Variants in NLRX1 observed in about 807,000 individuals in gnomAD.
NLRX1 encodes the protein NLR family member X1.
NLRX1 carries 67 observed loss-of-function variants against 74.2 expected under a neutral mutation model. That is an observed-to-expected ratio of 0.90 (90% CI 0.74 to 1.11). The LOEUF (loss-of-function observed/expected upper bound fraction) is 1.11, where lower values mean the gene tolerates loss of function less well. NLRX1 is among the 50% of genes least tolerant of loss of function. The pLI, the probability that NLRX1 is intolerant of heterozygous loss-of-function variation, is 0.00. For missense variants in NLRX1, 1,191 were observed against 1,305.4 expected, an observed-to-expected ratio of 0.91 and a Z score of 1.35; for synonymous variants, 506 against 559.1, an observed-to-expected ratio of 0.91 and a Z score of 1.34.
rs1402303724 is a variant in NLRX1, at chr11:119,183,479, C to T, written c.*40C>T. 2 of 1,568,078 alleles carry T rather than the reference C, an allele frequency of 1.3e-6. No homozygotes were observed. Among genetic ancestry groups the T allele is most frequent in the Admixed American group, 1.8e-5 (1 of 55,532 alleles). ...GCACCTAGCTATGTGACCACTGGCC[C>T]TAAACCTTTTCCCTCTGTGGCCTCC... On this transcript the variant is annotated 3_prime_UTR_variant, in exon 10 of 10. Transcript: ENST00000409109. This position sits in a 1 kb window ranked among gnomAD's most constrained non-coding sequence, Gnocchi z 5.7.
rs1383258626 is a variant in NLRX1 at position 119,174,709 on chromosome 11, T to C, written c.1106T>C (p.Phe369Ser). 6.2e-7 allele frequency: 1 copy of C among 1,613,962 alleles called. No individual in the cohort carries two copies. Among genetic ancestry groups the C allele is most frequent in the Non-Finnish European group, 8.5e-7 (1 of 1,180,036 alleles). The change falls in exon 6 of 10, where the codon TTC (phenylalanine) becomes TCC (serine). Residue 369 changes from phenylalanine to serine, a missense_variant. Physicochemically the swap from Phe to Ser is radical, Grantham distance 155 (BLOSUM62 -2). Transcript: ENST00000409109. ...EGHHQIAAAC[F>S]LPSYCWLVCA... The stretch of plus-strand genomic sequence containing the variant: ...CACCACCAGATAGCCGCTGCCTGCT[T>C]CCTGCCGTCCTATTGCTGGCTCGTT...
At chr11:119,182,663 C>G (rs1948869725) in intron 9 of NLRX1, among the ~76,000 whole-genome samples, 1 of 152,072 alleles carries the variant, frequency 6.6e-6, no homozygotes, top group Non-Finnish European at 1.5e-5. Context: ...AAGGCGGGCA[C>G]ATCACCTGAG....
rs142623204 is a variant in NLRX1, at chr11:119,179,830, C to T, written c.1809C>T (p.Gly603=). The T allele has an allele frequency of 6.2e-6, 10 of 1,614,012 alleles. No individual in the cohort carries two copies. Among genetic ancestry groups the T allele is most frequent in the East Asian group, 4.5e-5 (2 of 44,860 alleles). ...VLDQMGASIL[G]VEGPRRHPDE... is the part of the protein sequence containing the mutation. ...ACCAGATGGGCGCCAGTATCCTGGGCGTGGAGGGCCCCCGGCGCCACCCAG... is the reference window on the plus strand; with the variant it reads ...ACCAGATGGGCGCCAGTATCCTGGGTGTGGAGGGCCCCCGGCGCCACCCAG... Residue 603 remains glycine (G), a synonymous_variant, in exon 7 of 10, where the codon GGC becomes GGT. Transcript: ENST00000409109.
intron 1 of NLRX1, among the ~76,000 whole-genome samples, chr11:119,170,763 A>G (rs190131479): frequency 6.6e-6 from 1 of 152,326 alleles, no homozygotes; most frequent in Non-Finnish European, 1.5e-5. Flanking sequence ...GCTGGTGGCC[A>G]AGAAGGAAAA....
rs1948649634 is a variant in NLRX1 at position 119,174,682 on chromosome 11, G to A, written c.1079G>A (p.Gly360Glu). Residue 360 changes from glycine to glutamate, a missense_variant, in exon 6 of 10, where the codon GGG (glycine) becomes GAG (glutamate). Gly to Glu is a moderately conservative substitution (Grantham distance 98). Transcript: ENST00000409109. ...CAGATGCTCTCCCGGAACCTGGAGG[G>A]GCACCACCAGATAGCCGCTGCCTGC... ...LVQMLSRNLE[G>E]HHQIAAACFL... is the part of the protein sequence containing the mutation. 1 of 1,613,916 alleles carries A rather than the reference G, an allele frequency of 6.2e-7. No individual in the cohort carries two copies. The highest frequency in any genetic ancestry group is 8.5e-7 in the Non-Finnish European group (1 of 1,180,042).
chr11:119,181,102 G>A (rs1948826183), intron 7 of NLRX1, 69 bp from the exon 8 acceptor site: 2 of 1,097,234 alleles, frequency 1.8e-6, no homozygotes, highest in South Asian at 1.2e-5. Flanking sequence ...AGGCATGGTA[G>A]ATGGACAGAC....
chr11:119,173,067 G>T lies in NLRX1; in HGVS notation c.229+78G>T. 2.6e-6 allele frequency: 3 copies of T among 1,133,666 alleles called. No homozygotes were observed. In the East Asian group the frequency reaches 7.1e-5, roughly 27 times the overall value. The allele number at this position is 1,133,666 out of a possible 1,614,324, so 70.2% of individuals were successfully genotyped here. On this transcript the variant is annotated intron_variant, in intron 4 of 9. Transcript: ENST00000409109. The surrounding 1 kb of genome is among the most constrained non-coding windows in gnomAD (Gnocchi z 4.0). ...TGGAAGGAGAAGCAGGGTGAGGGAG[G>T]CATAGAGGATCCACTGCCATCTTCC...
At chr11:119,179,642 C>G (rs760750310) in intron 6 of NLRX1, 51 bp from the exon 7 acceptor site, 1 of 1,503,196 alleles carries the variant, frequency 6.7e-7, no homozygotes, top group Non-Finnish European at 9.1e-7. Flanking sequence ...ACCTTGAAGG[C>G]TGAACAGGCA....
intron 3 of NLRX1, 66 bp downstream of exon 3, chr11:119,172,491 G>A: frequency 8.1e-7 from 1 of 1,235,994 alleles, no homozygotes; most frequent in Non-Finnish European, 1.2e-6. Flanking sequence ...GAAGGGTCAG[G>A]ACTTGGGGCT....
chr11:119,175,408 G>A, intron 6 of NLRX1, 134 bp downstream of exon 6: 1 of 744,048 alleles, frequency 1.3e-6, no homozygotes, highest in Non-Finnish European at 2.2e-6. Flanking sequence ...TCCTGCAAAG[G>A]TATGAATCTT....
rs1226071942 is a variant in NLRX1, at chr11:119,179,690, C to T, written c.1672-3C>T. ...CAGTGACTCTCCCCTGCTTCTTTTT[C>T]AGGTGGTTCCACGAGTGTTTGGGCG... On this transcript the variant is annotated splice_region_variant and splice_polypyrimidine_tract_variant and intron_variant, in intron 6 of 9. Coordinates refer to ENST00000409109, the MANE Select transcript of NLRX1 (RefSeq NM_001282144.2). 16 of 1,535,284 alleles carry T rather than the reference C, an allele frequency of 1.0e-5. No individual in the cohort carries two copies. Among genetic ancestry groups the T allele is most frequent in the Non-Finnish European group, 1.4e-5 (16 of 1,139,432 alleles).
chr11:119,174,810 C>A lies in NLRX1; in HGVS notation c.1207C>A (p.Arg403Ser). The part of the protein sequence containing the change: ...TLTSIYTSFL[R>S]LNFSGETLDS... ...TACAAGCATCTATACCAGCTTCCTG[C>A]GCCTCAACTTCAGCGGGGAAACCCT... The change falls in exon 6 of 10, where the codon CGC becomes AGC. Residue 403 changes from arginine to serine, a missense_variant. Transcript: ENST00000409109. 1 of 1,613,998 alleles carries A rather than the reference C, an allele frequency of 6.2e-7. No homozygotes were observed. Among genetic ancestry groups the A allele is most frequent in the Non-Finnish European group, 8.5e-7 (1 of 1,180,032 alleles).
At chr11:119,177,239 G>A (rs1161017717) in intron 6 of NLRX1, among the ~76,000 whole-genome samples, 1 of 151,668 alleles carries the variant, frequency 6.6e-6, no homozygotes, top group Non-Finnish European at 1.5e-5. Flanking sequence ...CTGCCACCAT[G>A]CCCGGCTTAT....
intron 6 of NLRX1, 57 bp from the exon 7 acceptor site, chr11:119,179,636 T>G (rs2135185166): frequency 8.1e-7 from 1 of 1,241,868 alleles, no homozygotes; most frequent in African/African-American, 2.3e-5. Context: ...AGCTGAACCT[T>G]GAAGGCTGAA....
In NLRX1 at chr11:119,175,285, G is replaced by T. The variant is rs752902458; in HGVS notation, c.1671+11G>T. On this transcript the variant is annotated intron_variant, in intron 6 of 9. Transcript: ENST00000409109. ...TTCAACCTGATCAAGGTAACATCCCGATCAAGGTAACCCCCCAACCTGCTC... is the reference window on the plus strand; with the variant it reads ...TTCAACCTGATCAAGGTAACATCCCTATCAAGGTAACCCCCCAACCTGCTC... The T allele has an allele frequency of 2.5e-6, 4 of 1,605,188 alleles. No homozygotes were observed. The highest frequency in any genetic ancestry group is 3.4e-6 in the Non-Finnish European group (4 of 1,174,240).
intron 1 of NLRX1, among the ~76,000 whole-genome samples, chr11:119,171,128 C>CAAAAAAG (rs374105972): frequency 6.6e-6 from 1 of 151,018 alleles, no homozygotes; most frequent in African/African-American, 2.4e-5. Context: ...CACTCCATCT[C>CAAAAAAG]AAAAAAGAAA....
Position 119,169,072 on chromosome 11 carries a change from G to C in NLRX1, c.-279G>C, listed in dbSNP as rs762568669. The C allele has an allele frequency of 6.6e-6, 1 of 152,412 alleles. No homozygotes were observed. The highest frequency in any genetic ancestry group is 1.5e-5 in the Non-Finnish European group (1 of 68,194). 9.4% of individuals were successfully genotyped at this position (152,412 alleles called of 1,614,324 possible). A position where few individuals can be genotyped will look rare whatever the true frequency, so the allele number is the denominator to read the frequency against. On this transcript the variant is annotated 5_prime_UTR_variant, in exon 1 of 10. Coordinates refer to ENST00000409109, the MANE Select transcript of NLRX1 (RefSeq NM_001282144.2). ...AGGCCTAGCGGGCTTGATAACCCCT[G>C]CGCCCTGGCTGGGAGGCCGCGCTGA...
rs1166605298 is a variant in NLRX1, at chr11:119,173,827, T to C, written c.578T>C (p.Leu193Pro). ...TATGGGCGGCTGCCGGCCTTCGAGC[T>C]GCTCATCCCCTTCTCCTGTGAGGAC... Reference protein sequence around the residue: ...WCYGRLPAFELLIPFSCEDLS... With the variant: ...WCYGRLPAFEPLIPFSCEDLS... Residue 193 changes from leucine (L) to proline (P), a missense_variant, in exon 5 of 10, where the codon CTG becomes CCG. Transcript: ENST00000409109. The surrounding 1 kb of genome is among the most constrained non-coding windows in gnomAD (Gnocchi z 4.0). 1 of 1,613,650 alleles carries C rather than the reference T, an allele frequency of 6.2e-7. No individual in the cohort carries two copies. The highest frequency in any genetic ancestry group is 8.5e-7 in the Non-Finnish European group (1 of 1,180,024).
At chr11:119,175,857 G>A (rs1948690839) in intron 6 of NLRX1, among the ~76,000 whole-genome samples, 1 of 152,228 alleles carries the variant, frequency 6.6e-6, no homozygotes, top group African/African-American at 2.4e-5. Flanking sequence ...GCACAGCTGA[G>A]CGAGGTCTTT....
Sources: gnomAD v4.1 joint callset for allele counts (sites outside exome capture counted in the v4.1 genomes callset) on GRCh38, gnomAD v4.1.1 for gene constraint, Gnocchi (gnomAD v3.1) non-coding constraint, MANE v1.5 for transcripts, NCBI Gene and HGNC (gene_info 2026-07-23, HGNC 2026-07-21) for gene names.